The following CAMTA1 variants were observed in gnomAD, a reference collection of about 807,000 sequenced individuals.
CAMTA1 encodes calmodulin binding transcription activator 1, also known as calmodulin-binding transcription activator 1.
Under a neutral mutation model 170.9 loss-of-function variants are expected in CAMTA1, and 27 were observed. The observed-to-expected ratio is 0.16, with a 90% CI of 0.12 to 0.22. The LOEUF is 0.22. Ranked by LOEUF, CAMTA1 falls within the 10% of genes least tolerant of loss-of-function variation. CAMTA1 has a pLI of 1.00. For missense variants in CAMTA1, 1,619 were observed against 2,217.2 expected, an observed-to-expected ratio of 0.73 and a Z score of 5.42; for synonymous variants, 833 against 891.5, an observed-to-expected ratio of 0.93 and a Z score of 1.17.
chr1:7,319,417 G>A (rs1002677220), intron 5 of CAMTA1, among the ~76,000 whole-genome samples: 3 of 152,108 alleles, frequency 2.0e-5, no homozygotes, highest in Admixed American at 1.3e-4. Flanking sequence ...TCTCCACCCC[G>A]CTTCCTCCTG....
Position 7,173,243 on chromosome 1 carries a change from T to G in CAMTA1, c.303-76248T>G, listed in dbSNP as rs1650038354. 2.6e-5 allele frequency among the ~76,000 whole-genome samples: 4 copies of G among 152,204 alleles called. No homozygotes were observed. The highest frequency in any genetic ancestry group is 1.3e-4 in the Admixed American group (2 of 15,286). On this transcript the variant is annotated intron_variant, in intron 4 of 22. Transcript: ENST00000303635. This position sits in a 1 kb window ranked among gnomAD's most constrained non-coding sequence, Gnocchi z 5.4. ...TTCTCTGGCCTCAGGCACATCATCC[T>G]AAACTGGGCACGATAATCCCCCTGA...
At chr1:7,393,383 A>G (rs1313667281) in intron 5 of CAMTA1, among the ~76,000 whole-genome samples, 8 of 152,056 alleles carry the variant, frequency 5.3e-5, no homozygotes, top group Admixed American at 5.2e-4. Context: ...CTCTAGTCTC[A>G]GCCTTTCGAG....
chr1:7,716,424 G>T (rs548135444), intron 11 of CAMTA1, among the ~76,000 whole-genome samples: 1 of 152,204 alleles, frequency 6.6e-6, no homozygotes, highest in Non-Finnish European at 1.5e-5. Context: ...CCAGAATCCA[G>T]CTATTTATTT....
intron 4 of CAMTA1, among the ~76,000 whole-genome samples, chr1:7,213,844 T>G (rs1659248074): frequency 6.6e-6 from 1 of 151,564 alleles, no homozygotes; most frequent in African/African-American, 2.4e-5. Context: ...CACCTATGAG[T>G]GAGAACATGC....
At chr1:7,031,652 G>A (rs1702814881) in intron 3 of CAMTA1, among the ~76,000 whole-genome samples, 1 of 152,046 alleles carries the variant, frequency 6.6e-6, no homozygotes, top group Non-Finnish European at 1.5e-5. Context: ...TGATTCCCCT[G>A]CCTGAGCCTC....
At chr1:7,599,227 T>C (rs1048692226) in intron 6 of CAMTA1, among the ~76,000 whole-genome samples, 3 of 152,208 alleles carry the variant, frequency 2.0e-5, no homozygotes, top group Non-Finnish European at 4.4e-5. Flanking sequence ...TTTTGTCAGG[T>C]TTGTCAAAGG....
At chr1:7,289,271 G>T (rs1672776327) in intron 5 of CAMTA1, among the ~76,000 whole-genome samples, 1 of 152,168 alleles carries the variant, frequency 6.6e-6, no homozygotes. Context: ...ATCAGTGAGG[G>T]TGGGAGTTTT....
intron 11 of CAMTA1, among the ~76,000 whole-genome samples, chr1:7,678,215 T>C (rs1356711699): frequency 6.6e-6 from 1 of 152,232 alleles, no homozygotes; most frequent in African/African-American, 2.4e-5. Flanking sequence ...CCTGGGCTTC[T>C]TTCGAATTTG....
chr1:7,645,855 C>T (rs1006562377), intron 7 of CAMTA1, among the ~76,000 whole-genome samples: 1 of 152,266 alleles, frequency 6.6e-6, no homozygotes, highest in African/African-American at 2.4e-5. Flanking sequence ...CACGGGCACA[C>T]GACGTATCCA....
intron 5 of CAMTA1, among the ~76,000 whole-genome samples, chr1:7,381,370 G>C (rs2087307918): frequency 7.0e-6 from 1 of 143,018 alleles, no homozygotes; most frequent in Admixed American, 7.6e-5. Flanking sequence ...TGTTCTCATT[G>C]TTCAATTCCC....
chr1:7,224,785 G>A lies in CAMTA1; in HGVS notation c.303-24706G>A, dbSNP rs1661404561. Among the ~76,000 whole-genome samples, 1 of 151,826 alleles carries A rather than the reference G, an allele frequency of 6.6e-6. No homozygotes were observed. Among genetic ancestry groups the A allele is most frequent in the Non-Finnish European group, 1.5e-5 (1 of 68,028 alleles). ...ATGCCTCCCTGCCCCGCTCCCCAGG[G>A]CCCTGCTCCGTAGCTGCTCCATGTC... On this transcript the variant is annotated intron_variant, in intron 4 of 22. Coordinates refer to ENST00000303635, the MANE Select transcript of CAMTA1 (RefSeq NM_015215.4). This position sits in a 1 kb window ranked among gnomAD's most constrained non-coding sequence, Gnocchi z 5.2.
At chr1:7,402,392 C>T (rs1262867194) in intron 5 of CAMTA1, among the ~76,000 whole-genome samples, 2 of 152,200 alleles carry the variant, frequency 1.3e-5, no homozygotes, top group African/African-American at 4.8e-5. Flanking sequence ...TCCCTCCTCA[C>T]CTTCTTCTGC....
At chr1:6,959,545 C>T (rs187683345) in intron 3 of CAMTA1, among the ~76,000 whole-genome samples, 5 of 152,294 alleles carry the variant, frequency 3.3e-5, no homozygotes, top group African/African-American at 1.2e-4. Context: ...AGATTTGCCT[C>T]AGGCTGCAAA....
intron 4 of CAMTA1, among the ~76,000 whole-genome samples, chr1:7,185,028 A>C (rs1223331916): frequency 6.6e-6 from 1 of 152,242 alleles, no homozygotes; most frequent in Non-Finnish European, 1.5e-5. Context: ...GATTGAAGAA[A>C]TATGTAAATG....
chr1:7,434,292 G>A (rs572769331), intron 5 of CAMTA1, among the ~76,000 whole-genome samples: 7 of 152,304 alleles, frequency 4.6e-5, no homozygotes, highest in East Asian at 3.9e-4. Flanking sequence ...CAGGAGCCAC[G>A]GGGAGCATGG....
chr1:7,635,001 CTGAGACT>C lies in CAMTA1; in HGVS notation c.511-5397_511-5391del, dbSNP rs2095699802. ...TCTTCCAGAAGGCTGTGGAACTTCTCTGAGACTTTTACTTATCCTTGGCTTCCTCTAC... is the reference window on the plus strand; with the variant it reads ...TCTTCCAGAAGGCTGTGGAACTTCTCTTTACTTATCCTTGGCTTCCTCTAC... On this transcript the variant is annotated intron_variant, in intron 6 of 22. Transcript: ENST00000303635. This position sits in a 1 kb window ranked among gnomAD's most constrained non-coding sequence, Gnocchi z 4.4. 6.6e-6 allele frequency among the ~76,000 whole-genome samples: 1 copy of C among 152,324 alleles called. No homozygotes were observed. Among genetic ancestry groups the C allele is most frequent in the African/African-American group, 2.4e-5 (1 of 41,582 alleles).
At chr1:7,276,305 T>TATATATATA (rs1558345669) in intron 5 of CAMTA1, among the ~76,000 whole-genome samples, 9 of 20,138 alleles carry the variant, frequency 4.5e-4, no homozygotes, top group South Asian at 2.2e-3. Context: ...ATATATATAT[T>TATATATATA]TTTTTTTTTT....
chr1:7,728,515 G>A (rs921252849), intron 11 of CAMTA1, among the ~76,000 whole-genome samples: 1 of 152,198 alleles, frequency 6.6e-6, no homozygotes, highest in Non-Finnish European at 1.5e-5. Flanking sequence ...CTGAAAACTC[G>A]TTAACCAGAT....
rs929443383 is a variant in CAMTA1, at chr1:7,270,090, C to T, written c.438+20464C>T. On this transcript the variant is annotated intron_variant, in intron 5 of 22. Transcript: ENST00000303635. The stretch of plus-strand genomic sequence containing the variant: ...TTCTATATTCAGTGTGCATATTCTT[C>T]AAGAGTGAAGGTAAAATAAAGACAT... Among the ~76,000 whole-genome samples the T allele has an allele frequency of 5.9e-5, 9 of 151,744 alleles. No individual in the cohort carries two copies. In the East Asian group the frequency reaches 1.7e-3, roughly 29 times the overall value.
Sources: allele counts gnomAD v4.1 joint callset (sites outside exome capture counted in the v4.1 genomes callset), GRCh38; gene constraint gnomAD v4.1.1; non-coding constraint Gnocchi (gnomAD v3.1); transcripts MANE v1.5; gene names NCBI Gene and HGNC (gene_info 2026-07-23, HGNC 2026-07-21).